Variants in CMTM4 observed in about 807,000 individuals in gnomAD.
CMTM4 encodes the protein CKLF like MARVEL transmembrane domain containing 4.
CMTM4 carries 8 observed loss-of-function variants against 19.0 expected under a neutral mutation model. The observed-to-expected ratio is 0.42, with a 90% CI of 0.25 to 0.76. The LOEUF (loss-of-function observed/expected upper bound fraction) is 0.76. Among genes scored for constraint, CMTM4 ranks in the 30% least tolerant of loss-of-function variants. CMTM4 has a pLI of 0.27. For synonymous variants in CMTM4, 106 were observed against 121.1 expected, an observed-to-expected ratio of 0.88 and a Z score of 0.82; for missense variants, 228 against 290.2, an observed-to-expected ratio of 0.79 and a Z score of 1.56.
chr16:66,689,603 C>T (rs564278692), intron 1 of CMTM4, among the ~76,000 whole-genome samples: 9 of 152,198 alleles, frequency 5.9e-5, no homozygotes, highest in Non-Finnish European at 1.3e-4. Context: ...GAAGGGGATT[C>T]ACCATGTTGC....
At chr16:66,659,046 C>T (rs1179853459) in intron 1 of CMTM4, among the ~76,000 whole-genome samples, 1 of 152,016 alleles carries the variant, frequency 6.6e-6, no homozygotes, top group Non-Finnish European at 1.5e-5. Context: ...TATAGAGTAA[C>T]CAGGTTACAG....
In CMTM4 at chr16:66,676,880, A is replaced by G. The variant is rs573154763; in HGVS notation, c.186+19460T>C. 5.9e-5 allele frequency among the ~76,000 whole-genome samples: 9 copies of G among 152,356 alleles called. No individual in the cohort carries two copies. The South Asian group carries it at 1.9e-3, about 32-fold the overall frequency. ...CCTTATTATCCAAATCTGTTCAGAA[A>G]GCCAGTGCCCAGAGAGTCAGGGACA... On this transcript the variant is annotated intron_variant, in intron 1 of 3. Coordinates refer to ENST00000394106, the MANE Select transcript of CMTM4 (RefSeq NM_181521.3).
intron 1 of CMTM4, among the ~76,000 whole-genome samples, chr16:66,694,542 G>A (rs541424531): frequency 3.3e-5 from 5 of 151,618 alleles, no homozygotes; most frequent in African/African-American, 7.3e-5. Flanking sequence ...GCAAAACCCC[G>A]TCTCTACTAA....
chr16:66,681,377 C>T (rs2016911453), intron 1 of CMTM4, among the ~76,000 whole-genome samples: 1 of 151,506 alleles, frequency 6.6e-6, no homozygotes, highest in African/African-American at 2.4e-5. Context: ...AGTGCAGTGG[C>T]CTGATCTTGG....
intron 1 of CMTM4, among the ~76,000 whole-genome samples, chr16:66,694,247 A>G (rs566060481): frequency 1.3e-5 from 2 of 152,260 alleles, no homozygotes; most frequent in African/African-American, 4.8e-5. Context: ...CTAGATTTCA[A>G]TTCTTTTACT....
the CMTM4 span, chr16:66,608,383 G>A: frequency 6.2e-7 from 1 of 1,614,228 alleles, no homozygotes; most frequent in Non-Finnish European, 8.5e-7. The surrounding 1 kb of genome is among the most constrained non-coding windows in gnomAD (Gnocchi z 5.1). Flanking sequence ...CTCTGCTGGA[G>A]TTCCTGCTGG....
chr16:66,685,973 A>G (rs1324037665), intron 1 of CMTM4, among the ~76,000 whole-genome samples: 3 of 152,080 alleles, frequency 2.0e-5, no homozygotes, highest in Non-Finnish European at 4.4e-5. Context: ...AAAGTTCTGG[A>G]GCCGGGCATG....
chr16:66,605,261 C>T, the CMTM4 span: 3 of 252,626 alleles, frequency 1.2e-5, no homozygotes, highest in Non-Finnish European at 2.3e-5. This position sits in a 1 kb window ranked among gnomAD's most constrained non-coding sequence, Gnocchi z 4.6. Context: ...CGCCCCCGCC[C>T]TCTCTGGGCC....
the CMTM4 span, among the ~76,000 whole-genome samples, chr16:66,600,243 A>C: frequency 9.9e-5 from 15 of 151,296 alleles, no homozygotes; most frequent in Non-Finnish European, 2.2e-4. Flanking sequence ...CCCAGGTTCA[A>C]GCAATTCTCC....
At chr16:66,678,523 T>C (rs1406165819) in intron 1 of CMTM4, among the ~76,000 whole-genome samples, 2 of 152,228 alleles carry the variant, frequency 1.3e-5, no homozygotes, top group African/African-American at 2.4e-5. Context: ...CTATGGTATT[T>C]GCACCTTTCA....
intron 1 of CMTM4, among the ~76,000 whole-genome samples, chr16:66,677,271 G>A (rs2016824906): frequency 6.6e-6 from 1 of 152,186 alleles, no homozygotes; most frequent in Non-Finnish European, 1.5e-5. Context: ...AAAAACCAGT[G>A]ACGCCAGGCA....
In CMTM4 at chr16:66,664,942, G is replaced by A. The variant is rs1365905305; in HGVS notation, c.187-28361C>T. 6.6e-5 allele frequency among the ~76,000 whole-genome samples: 10 copies of A among 151,516 alleles called. No homozygotes were observed. In the East Asian group the frequency reaches 2.0e-3, roughly 30 times the overall value. ...CCAGGAGTTCAAGGCCAGCCTGGGT[G>A]ACAGAGCAAAACCCTGTTTCTCCGA... On this transcript the variant is annotated intron_variant, in intron 1 of 3. Coordinates refer to ENST00000394106, the MANE Select transcript of CMTM4 (RefSeq NM_181521.3).
intron 1 of CMTM4, among the ~76,000 whole-genome samples, chr16:66,682,366 G>A (rs1267957988): frequency 6.6e-6 from 1 of 151,214 alleles, no homozygotes; most frequent in Non-Finnish European, 1.5e-5. Flanking sequence ...AAGAGCCATT[G>A]TTTCTGGGTT....
intron 1 of CMTM4, among the ~76,000 whole-genome samples, chr16:66,694,180 T>C (rs895667686): frequency 6.6e-6 from 1 of 152,164 alleles, no homozygotes; most frequent in African/African-American, 2.4e-5. Context: ...CAGGCTTCCA[T>C]CCCTGGACTT....
the CMTM4 span, chr16:66,604,728 C>A: frequency 8.9e-7 from 1 of 1,121,654 alleles, no homozygotes; most frequent in Non-Finnish European, 1.1e-6. Flanking sequence ...TCCTTCCGCA[C>A]AGCCCGGGTT....
chr16:66,684,044 G>A (rs976500894), intron 1 of CMTM4, among the ~76,000 whole-genome samples: 9 of 152,000 alleles, frequency 5.9e-5, no homozygotes, highest in Non-Finnish European at 8.8e-5. Context: ...TGAAGTAATC[G>A]GTATTATAAA....
At chr16:66,602,248 T>C in the CMTM4 span, among the ~76,000 whole-genome samples, 3 of 152,134 alleles carry the variant, frequency 2.0e-5, no homozygotes, top group African/African-American at 7.2e-5. Context: ...AATACAAAAA[T>C]TAGCTGGGTG....
chr16:66,674,511 ACAT>A (rs1467825964), intron 1 of CMTM4, among the ~76,000 whole-genome samples: 1 of 151,928 alleles, frequency 6.6e-6, no homozygotes, highest in Non-Finnish European at 1.5e-5. Context: ...CCATCACACA[ACAT>A]CAACTGCTTG....
chr16:66,641,530 T>C (rs2016097568), intron 1 of CMTM4, among the ~76,000 whole-genome samples: 1 of 152,184 alleles, frequency 6.6e-6, no homozygotes, highest in Non-Finnish European at 1.5e-5. Context: ...AGTACAACCT[T>C]ATGAGGTAGA....
Sources: gnomAD v4.1 joint callset for allele counts (sites outside exome capture counted in the v4.1 genomes callset) on GRCh38, gnomAD v4.1.1 for gene constraint, Gnocchi (gnomAD v3.1) non-coding constraint, MANE v1.5 for transcripts, NCBI Gene and HGNC (gene_info 2026-07-23, HGNC 2026-07-21) for gene names.